The following AUH variants were observed in gnomAD, a reference collection of about 807,000 sequenced individuals.
The protein encoded by AUH is methylglutaconyl-CoA hydratase, mitochondrial.
Under a neutral mutation model 42.3 loss-of-function variants are expected in AUH, and 29 were observed. The ratio of observed to expected loss-of-function variants is 0.69; its 90% confidence interval spans 0.51 to 0.93. The LOEUF (loss-of-function observed/expected upper bound fraction) is 0.93. AUH is among the 40% of genes least tolerant of loss of function. The pLI is 0.00. For synonymous variants in AUH, 174 were observed against 166.4 expected (o/e 1.05, Z -0.35); for missense variants, 452 against 438.1 (o/e 1.03, Z -0.28).
intron 6 of AUH, among the ~76,000 whole-genome samples, chr9:91,239,734 A>C (rs1454324357): frequency 4.0e-5 from 6 of 150,378 alleles, no homozygotes; most frequent in Non-Finnish European, 5.9e-5. Flanking sequence ...TAAAGCAATG[A>C]AAACACACAC....
chr9:91,310,657 G>C (rs188189738), intron 4 of AUH, among the ~76,000 whole-genome samples: 1 of 152,274 alleles, frequency 6.6e-6, no homozygotes, highest in East Asian at 1.9e-4. Context: ...CCATCCTATG[G>C]CATTATCTTT....
At chr9:91,302,546 G>A (rs1469988027) in intron 4 of AUH, among the ~76,000 whole-genome samples, 5 of 152,096 alleles carry the variant, frequency 3.3e-5, no homozygotes, top group South Asian at 2.1e-4. Context: ...CTGAGATCGC[G>A]CCATTGCACT....
intron 6 of AUH, among the ~76,000 whole-genome samples, chr9:91,253,380 A>T (rs1328436857): frequency 6.6e-6 from 1 of 152,202 alleles, no homozygotes; most frequent in Non-Finnish European, 1.5e-5. Context: ...AAACTTGTAA[A>T]TAATATTTTT....
intron 4 of AUH, among the ~76,000 whole-genome samples, chr9:91,301,713 C>T (rs1827798704): frequency 6.6e-6 from 1 of 152,106 alleles, no homozygotes; most frequent in South Asian, 2.1e-4. Context: ...AGGACCAGGG[C>T]CTGCAGATGG....
intron 3 of AUH, chr9:91,343,245 G>A (rs924690765): frequency 1.3e-5 from 2 of 152,098 alleles, no homozygotes; most frequent in African/African-American, 4.8e-5. Context: ...TATAAGAAAA[G>A]AAGGGCCTCA....
At chr9:91,304,443 A>T (rs1828054941) in intron 4 of AUH, among the ~76,000 whole-genome samples, 1 of 152,238 alleles carries the variant, frequency 6.6e-6, no homozygotes, top group South Asian at 2.1e-4. Flanking sequence ...TAATACTGCG[A>T]GTGATGCAGA....
chr9:91,258,195 G>A (rs1460005336), intron 6 of AUH, among the ~76,000 whole-genome samples: 1 of 152,130 alleles, frequency 6.6e-6, no homozygotes, highest in African/African-American at 2.4e-5. Context: ...CATGTGTGAA[G>A]ACAGTGTTTA....
At chr9:91,228,094 T>C (rs1463161040) in intron 6 of AUH, among the ~76,000 whole-genome samples, 1 of 152,196 alleles carries the variant, frequency 6.6e-6, no homozygotes, top group Non-Finnish European at 1.5e-5. Context: ...GATTCCCTCT[T>C]TTTCTATTGA....
chr9:91,317,580 G>A (rs1226841635), intron 4 of AUH, among the ~76,000 whole-genome samples: 1 of 152,058 alleles, frequency 6.6e-6, no homozygotes, highest in Non-Finnish European at 1.5e-5. Flanking sequence ...CTTTTTGATG[G>A]AGACAGCCAT....
chr9:91,224,590 T>C (rs961910693), intron 6 of AUH, among the ~76,000 whole-genome samples: 3 of 152,228 alleles, frequency 2.0e-5, no homozygotes, highest in Non-Finnish European at 2.9e-5. Context: ...TTAGTTCTTA[T>C]GCTATGGTCT....
intron 6 of AUH, among the ~76,000 whole-genome samples, chr9:91,277,474 G>A (rs1228009962): frequency 6.6e-6 from 1 of 152,050 alleles, no homozygotes; most frequent in Non-Finnish European, 1.5e-5. Context: ...TAAAACAGAA[G>A]TTTTTTGTAA....
At chr9:91,278,918 G>C (rs758981372) in intron 6 of AUH, among the ~76,000 whole-genome samples, 7 of 152,074 alleles carry the variant, frequency 4.6e-5, no homozygotes. Context: ...ATTCCGTAAG[G>C]GATAATAACA....
At chr9:91,244,468 T>C (rs997415668) in intron 6 of AUH, among the ~76,000 whole-genome samples, 1 of 152,242 alleles carries the variant, frequency 6.6e-6, no homozygotes, top group Non-Finnish European at 1.5e-5. Flanking sequence ...TTAATAAACA[T>C]GTTTTAACAA....
At chr9:91,316,930 T>G (rs1392108989) in intron 4 of AUH, among the ~76,000 whole-genome samples, 1 of 152,244 alleles carries the variant, frequency 6.6e-6, no homozygotes, top group Admixed American at 6.5e-5. Context: ...ATTTTATGTT[T>G]TAAGAAACTC....
At chr9:91,358,685 T>A (rs1037103320) in intron 1 of AUH, among the ~76,000 whole-genome samples, 4 of 152,248 alleles carry the variant, frequency 2.6e-5, no homozygotes, top group Non-Finnish European at 5.9e-5. Flanking sequence ...GATATGATAA[T>A]GCTGACATTA....
At chr9:91,282,875 C>A (rs2131576850) in intron 6 of AUH, among the ~76,000 whole-genome samples, 1 of 152,232 alleles carries the variant, frequency 6.6e-6, no homozygotes, top group East Asian at 1.9e-4. Context: ...CCAAATTCTA[C>A]CAAAGGTACA....
At chr9:91,360,383 C>T (rs1040216657) in intron 1 of AUH, 3 of 152,208 alleles carry the variant, frequency 2.0e-5, no homozygotes, top group Non-Finnish European at 4.4e-5. Flanking sequence ...TATGTTACGT[C>T]CCAAATACAC....
chr9:91,259,626 TTTCA>T (rs1829601438), intron 6 of AUH, among the ~76,000 whole-genome samples: 1 of 152,188 alleles, frequency 6.6e-6, no homozygotes. Flanking sequence ...AATTTAATGT[TTTCA>T]TTTTCACTAA....
chr9:91,303,832 AC>A (rs1260854370), intron 4 of AUH, among the ~76,000 whole-genome samples: 4 of 152,220 alleles, frequency 2.6e-5, no homozygotes, highest in African/African-American at 9.6e-5. Flanking sequence ...CTAAAACTTT[AC>A]CTTCATCCTA....
Sources: gnomAD v4.1 joint callset for allele counts (sites outside exome capture counted in the v4.1 genomes callset) on GRCh38, gnomAD v4.1.1 for gene constraint, MANE v1.5 for transcripts, NCBI Gene and HGNC (gene_info 2026-07-23, HGNC 2026-07-21) for gene names.